The following DHRSX variants were observed in gnomAD, a reference collection of about 807,000 sequenced individuals.
DHRSX encodes the protein dehydrogenase/reductase X-linked.
In DHRSX, 31 loss-of-function variants were observed where a neutral mutation model predicts 34.0. The observed-to-expected ratio is 0.91, with a 90% CI of 0.69 to 1.23. DHRSX has a LOEUF of 1.23. Among genes scored for constraint, DHRSX ranks in the 50% most tolerant of loss-of-function variants. The pLI is 0.00. For missense variants in DHRSX, 414 were observed against 428.1 expected (o/e 0.97, Z 0.29); for synonymous variants, 201 against 183.8 (o/e 1.09, Z -0.76).
At chrX:2,360,092 T>G (rs185528731) in intron 3 of DHRSX, among the ~76,000 whole-genome samples, 84 of 152,116 alleles carry the variant, frequency 5.5e-4, no homozygotes, top group Non-Finnish European at 8.8e-4. Context: ...TTATGGAAGT[T>G]TGAACTATAA....
chrX:2,471,055 G>A (rs374391515), intron 1 of DHRSX, among the ~76,000 whole-genome samples: 4 of 152,228 alleles, frequency 2.6e-5, no homozygotes, highest in South Asian at 2.1e-4. Flanking sequence ...AAAACATCAC[G>A]TTGTACCTCA....
chrX:2,500,222 C>CCAGA, intron 1 of DHRSX: 1 of 153,346 alleles, frequency 6.5e-6, no homozygotes, highest in East Asian at 1.9e-4. Flanking sequence ...GCCCTCCCCA[C>CCAGA]CAGACCTCCG....
intron 4 of DHRSX, among the ~76,000 whole-genome samples, chrX:2,270,973 G>GACCAATCAGCACTCTGTAAAATGC (rs1222039448): frequency 0.12 from 18,887 of 151,416 alleles, 1,795 homozygotes; most frequent in Non-Finnish European, 0.18. Flanking sequence ...CTGTAAAATG[G>GACCAATCAGCACTCTGTAAAATGC]ACCAGTCAGC....
intron 1 of DHRSX, chrX:2,489,073 G>C: frequency 6.2e-7 from 1 of 1,613,814 alleles, no homozygotes; most frequent in Non-Finnish European, 8.5e-7. Flanking sequence ...AGAAGATCTC[G>C]GCCAGCATGT....
At chrX:2,390,392 CCT>C (rs2043322132) in intron 3 of DHRSX, among the ~76,000 whole-genome samples, 1 of 151,894 alleles carries the variant, frequency 6.6e-6, no homozygotes, top group Non-Finnish European at 1.5e-5. Context: ...CCCGCCTCGG[CCT>C]CCCAAAGTGC....
At chrX:2,299,613 G>T (rs986372351) in intron 3 of DHRSX, among the ~76,000 whole-genome samples, 42 of 152,100 alleles carry the variant, frequency 2.8e-4, no homozygotes, top group Non-Finnish European at 6.0e-4. Context: ...CCAGCACTTT[G>T]GGAGGCTGAG....
At chrX:2,238,694 C>G (rs2016072777) in intron 6 of DHRSX, among the ~76,000 whole-genome samples, 2 of 151,836 alleles carry the variant, frequency 1.3e-5, no homozygotes, top group Admixed American at 1.3e-4. Context: ...AGCGATTCCC[C>G]TGCCTCAGCC....
intron 3 of DHRSX, among the ~76,000 whole-genome samples, chrX:2,362,058 A>G (rs950538949): frequency 2.6e-5 from 4 of 152,222 alleles, no homozygotes; most frequent in African/African-American, 9.6e-5. Flanking sequence ...TTCATTTTCA[A>G]ATTCAAAGAA....
At chrX:2,453,667 C>CA (rs1432408867) in intron 1 of DHRSX, among the ~76,000 whole-genome samples, 1 of 151,888 alleles carries the variant, frequency 6.6e-6, no homozygotes, top group Non-Finnish European at 1.5e-5. Flanking sequence ...GAGACTGTCT[C>CA]AAAAAATACA....
Position 2,488,830 on chromosome X carries a change from G to A in DHRSX, c.109+11987C>T, listed in dbSNP as rs202068168. On this transcript the variant is annotated intron_variant, in intron 1 of 6. Coordinates refer to ENST00000334651, the MANE Select transcript of DHRSX (RefSeq NM_145177.3). ...CGGGAGCCAGCCGGTTCCTCTTGGC[G>A]CTGACCACGTTGGCGGCGGATCCGA... 34 of 1,613,814 alleles carry A rather than the reference G, an allele frequency of 2.1e-5. No individual in the cohort carries two copies. In the Middle Eastern group the frequency reaches 5.0e-4, roughly 24 times the overall value.
chrX:2,392,672 T>C (rs1259527352), intron 3 of DHRSX, among the ~76,000 whole-genome samples: 3 of 145,808 alleles, frequency 2.1e-5, no homozygotes, highest in Non-Finnish European at 3.0e-5. Context: ...AAATAATATA[T>C]ACATAAAATT....
intron 2 of DHRSX, among the ~76,000 whole-genome samples, chrX:2,423,948 A>G (rs1392741564): frequency 6.6e-6 from 1 of 152,194 alleles, no homozygotes; most frequent in Non-Finnish European, 1.5e-5. Context: ...GTATCCCGCA[A>G]CATTGTTCAG....
chrX:2,383,505 A>G (rs1315870353), intron 3 of DHRSX, among the ~76,000 whole-genome samples: 1 of 152,086 alleles, frequency 6.6e-6, no homozygotes, highest in East Asian at 1.9e-4. Context: ...TGCCATCATC[A>G]CTACCACCAT....
chrX:2,345,951 C>G (rs1383492615), intron 3 of DHRSX, among the ~76,000 whole-genome samples: 1 of 152,138 alleles, frequency 6.6e-6, no homozygotes, highest in Non-Finnish European at 1.5e-5. Context: ...GTACACACAT[C>G]ATATTGGTTC....
At chrX:2,244,447 A>C (rs930505087) in intron 5 of DHRSX, among the ~76,000 whole-genome samples, 6 of 152,124 alleles carry the variant, frequency 3.9e-5, no homozygotes, top group African/African-American at 1.4e-4. Flanking sequence ...GTGTTACATA[A>C]CGTCCCTTGA....
intron 1 of DHRSX, among the ~76,000 whole-genome samples, chrX:2,438,123 G>A (rs1389126441): frequency 6.7e-6 from 1 of 148,658 alleles, no homozygotes; most frequent in Non-Finnish European, 1.5e-5. Flanking sequence ...ATTGCAGTGA[G>A]CCGAGATCAT....
chrX:2,276,503 T>C (rs1400784093), intron 4 of DHRSX, among the ~76,000 whole-genome samples: 4 of 152,164 alleles, frequency 2.6e-5, no homozygotes, highest in Non-Finnish European at 5.9e-5. Context: ...TTATCGTCCA[T>C]TGATCTGCCA....
intron 1 of DHRSX, among the ~76,000 whole-genome samples, chrX:2,447,502 A>C (rs963751267): frequency 3.9e-5 from 6 of 152,166 alleles, no homozygotes; most frequent in Non-Finnish European, 5.9e-5. Context: ...GGAAAGAATG[A>C]TGTGCAGGAT....
chrX:2,298,394 T>TAAA lies in DHRSX; in HGVS notation c.287-6794_287-6792dup, dbSNP rs770643932. On this transcript the variant is annotated intron_variant, in intron 3 of 6. Transcript: ENST00000334651. ...CTGAAGGAGGGATCTGGTCTTTTGTTAAAAAAAAAAAAAACAATTTTCACA... is the reference window on the plus strand; with the variant it reads ...CTGAAGGAGGGATCTGGTCTTTTGTTAAAAAAAAAAAAAAAAACAATTTTCACA... Among the ~76,000 whole-genome samples, 544 of 132,406 alleles carry TAAA rather than the reference T, an allele frequency of 4.1e-3. 8 individuals carry two copies. The highest frequency in any genetic ancestry group is 0.015 in the African/African-American group (514 of 33,728). The allele number at this position is 132,406 out of a possible 152,430, so 86.9% of individuals were successfully genotyped here.
Sources: allele counts gnomAD v4.1 joint callset (sites outside exome capture counted in the v4.1 genomes callset), GRCh38; gene constraint gnomAD v4.1.1; transcripts MANE v1.5; gene names NCBI Gene and HGNC (gene_info 2026-07-23, HGNC 2026-07-21).